Variants in FRYL observed in about 807,000 individuals in gnomAD.
FRYL encodes FRY like transcription coactivator, also known as protein furry homolog-like.
In FRYL, 150 loss-of-function variants were observed where a neutral mutation model predicts 351.2. The ratio of observed to expected loss-of-function variants is 0.43; its 90% CI spans 0.37 to 0.49. The LOEUF (loss-of-function observed/expected upper bound fraction) is 0.49. Ranked by LOEUF, FRYL falls within the 20% of genes least tolerant of loss-of-function variation. The pLI is 0.00. For synonymous variants in FRYL, 1,153 were observed against 1,257.1 expected (o/e 0.92, Z 1.75); for missense variants, 3,036 against 3,619.3 (o/e 0.84, Z 4.13).
chr4:48,708,009 AG>A (rs1283969135), intron 2 of FRYL, among the ~76,000 whole-genome samples: 1 of 151,512 alleles, frequency 6.6e-6, no homozygotes, highest in Admixed American at 6.6e-5. Flanking sequence ...TTTAGTAGAG[AG>A]GGGGTTTCAC....
At chr4:48,568,488 A>G (rs1170292019) in intron 27 of FRYL, among the ~76,000 whole-genome samples, 3 of 152,174 alleles carry the variant, frequency 2.0e-5, no homozygotes, top group Admixed American at 1.3e-4. Context: ...TATATAAATG[A>G]TTAGCTATTA....
At chr4:48,705,213 G>A (rs1767191149) in intron 2 of FRYL, among the ~76,000 whole-genome samples, 2 of 151,680 alleles carry the variant, frequency 1.3e-5, no homozygotes, top group Admixed American at 6.6e-5. Context: ...GATATAAAAA[G>A]ATTTATATAT....
At chr4:48,537,487 A>G (rs1729137422) in intron 47 of FRYL, among the ~76,000 whole-genome samples, 1 of 152,212 alleles carries the variant, frequency 6.6e-6, no homozygotes, top group South Asian at 2.1e-4. Context: ...AGGCACAAAC[A>G]GTAGAACTAG....
chr4:48,748,009 G>A (rs760701173), intron 1 of FRYL, among the ~76,000 whole-genome samples: 1 of 152,182 alleles, frequency 6.6e-6, no homozygotes, highest in Non-Finnish European at 1.5e-5. Flanking sequence ...ACTCTGGGAG[G>A]CTGAAGAGGG....
At position 48,510,933 on chromosome 4, in the gene FRYL, C is replaced by T; in HGVS notation, c.8197G>A (p.Gly2733Ser). 6.2e-7 allele frequency: 1 copy of T among 1,612,362 alleles called. No individual in the cohort carries two copies. Among genetic ancestry groups the T allele is most frequent in the Non-Finnish European group, 8.5e-7 (1 of 1,178,700 alleles). ...EITNEAVSFL[G>S]DSLQRIGTKF... ...GTACCAATGCGTTGCAGACTATCAC[C>T]AAGAAAGCTGACTGCCTCATTAGTT... The change falls in exon 58 of 64, where the codon GGT (glycine) becomes AGT (serine). Residue 2733 changes from glycine (G) to serine (S), a missense_variant. By Grantham distance (56) the Gly-to-Ser change is moderately conservative. Transcript: ENST00000358350.
intron 2 of FRYL, among the ~76,000 whole-genome samples, chr4:48,689,137 T>C (rs996430081): frequency 2.6e-5 from 4 of 152,226 alleles, no homozygotes; most frequent in African/African-American, 7.2e-5. Flanking sequence ...AAAGCAATGT[T>C]CTCTGCAGGT....
At position 48,666,447 on chromosome 4, in the gene FRYL, G is replaced by GATGAAAA. The variant is rs1761733094; in HGVS notation, c.-81+18219_-81+18225dup. On this transcript the variant is annotated intron_variant, in intron 3 of 63. Coordinates refer to ENST00000358350, the MANE Select transcript of FRYL (RefSeq NM_015030.2). ...AGAACCAATAGGGTTAAAAGGAAAA[G>GATGAAAA]ATGAAAAGATCATCCAGTAAAATTC... Among the ~76,000 whole-genome samples, 5 of 151,988 alleles carry GATGAAAA rather than the reference G, an allele frequency of 3.3e-5. No homozygotes were observed. In the South Asian group the frequency reaches 1.0e-3, roughly 32 times the overall value.
intron 12 of FRYL, among the ~76,000 whole-genome samples, chr4:48,603,082 C>T (rs1746028400): frequency 6.6e-6 from 1 of 152,148 alleles, no homozygotes; most frequent in African/African-American, 2.4e-5. Flanking sequence ...GTCTGAACAA[C>T]TCAACAAATG....
chr4:48,569,687 T>G (rs1295416442), intron 27 of FRYL, among the ~76,000 whole-genome samples: 3 of 152,218 alleles, frequency 2.0e-5, no homozygotes, highest in Non-Finnish European at 4.4e-5. Context: ...TTGAAAGTAT[T>G]TGTCAAAAGC....
At chr4:48,616,543 T>A (rs1749479465) in intron 7 of FRYL, among the ~76,000 whole-genome samples, 1 of 152,178 alleles carries the variant, frequency 6.6e-6, no homozygotes, top group Non-Finnish European at 1.5e-5. Flanking sequence ...GCAAGAGAGC[T>A]GGCATATTAA....
At chr4:48,736,805 G>A (rs1343677317) in intron 1 of FRYL, among the ~76,000 whole-genome samples, 5 of 125,042 alleles carry the variant, frequency 4.0e-5, no homozygotes, top group East Asian at 2.5e-4. Flanking sequence ...AGCCAAGATC[G>A]CACCACTGCA....
intron 14 of FRYL, 77 bp from the exon 15 acceptor site, chr4:48,595,775 A>T (rs542739310): frequency 1.1e-5 from 12 of 1,114,616 alleles, no homozygotes; most frequent in Non-Finnish European, 1.6e-5. Context: ...CCTATTCTTC[A>T]TAATATATTG....
At position 48,564,106 on chromosome 4, in the gene FRYL, G is replaced by A; in HGVS notation, c.3442-4C>T. ...CTTCACAGCCCAGCTGGTGAACCTA[G>A]GTAAAGGTTGTGAAATTGCCCGAGA... On this transcript the variant is annotated splice_region_variant and splice_polypyrimidine_tract_variant and intron_variant, in intron 30 of 63. Transcript: ENST00000358350. The A allele has an allele frequency of 6.2e-7, 1 of 1,611,924 alleles. No homozygotes were observed. Among genetic ancestry groups the A allele is most frequent in the East Asian group, 2.2e-5 (1 of 44,856 alleles).
chr4:48,682,196 T>C (rs1169714837), intron 3 of FRYL, among the ~76,000 whole-genome samples: 1 of 152,110 alleles, frequency 6.6e-6, no homozygotes, highest in African/African-American at 2.4e-5. Context: ...AAGAAAATGA[T>C]TTGCATAGTA....
intron 3 of FRYL, among the ~76,000 whole-genome samples, chr4:48,658,584 C>CAG (rs745366298): frequency 2.5e-4 from 24 of 95,860 alleles, no homozygotes; most frequent in African/African-American, 9.9e-4. Context: ...CAAAAAAATA[C>CAG]AAAAAAAAAA....
chr4:48,612,359 C>T (rs1356457068), intron 7 of FRYL, among the ~76,000 whole-genome samples: 1 of 152,098 alleles, frequency 6.6e-6, no homozygotes, highest in Admixed American at 6.5e-5. Flanking sequence ...TTTGTAGAGC[C>T]CCAGGCGCTA....
At chr4:48,723,973 A>C (rs562668699) in intron 1 of FRYL, among the ~76,000 whole-genome samples, 9 of 131,714 alleles carry the variant, frequency 6.8e-5, no homozygotes, top group African/African-American at 1.7e-4. Context: ...ATAATAACAA[A>C]AAAAATTAGG....
chr4:48,571,896 C>T (rs185082767), intron 26 of FRYL: 2 of 985,246 alleles, frequency 2.0e-6, no homozygotes, highest in Admixed American at 6.1e-5. Flanking sequence ...AGCATTCCTT[C>T]TGAAATTCAG....
intron 4 of FRYL, among the ~76,000 whole-genome samples, chr4:48,633,599 C>T (rs1019681776): frequency 6.6e-6 from 1 of 152,132 alleles, no homozygotes; most frequent in African/African-American, 2.4e-5. Context: ...AATATATTAT[C>T]ATCTTTACTA....
Sources: allele counts gnomAD v4.1 joint callset (sites outside exome capture counted in the v4.1 genomes callset), GRCh38; gene constraint gnomAD v4.1.1; transcripts MANE v1.5; gene names NCBI Gene and HGNC (gene_info 2026-07-23, HGNC 2026-07-21).